Variants in ACOT11 observed in about 807,000 individuals in gnomAD.
The protein encoded by ACOT11 is acyl-CoA thioesterase 11.
ACOT11 carries 69 observed loss-of-function variants against 77.5 expected under a neutral mutation model. The observed-to-expected ratio is 0.89, with a 90% CI of 0.73 to 1.09. The LOEUF is 1.09. ACOT11 is among the 50% of genes least tolerant of loss of function. The pLI is 0.00. For missense variants in ACOT11, 766 were observed against 813.7 expected (o/e 0.94, Z 0.71); for synonymous variants, 279 against 313.0 (o/e 0.89, Z 1.15).
At position 54,592,761 on chromosome 1, in the gene ACOT11, C is replaced by T. The variant is rs79649168; in HGVS notation, c.372+155C>T. On this transcript the variant is annotated intron_variant, in intron 4 of 15. Transcript: ENST00000343744. ...AATGGTTGGCAGAGCAAGGGGAATC[C>T]CAAGGATCTTCCTGTCCCAAATCCC... Among the ~76,000 whole-genome samples, 805 of 152,248 alleles carry T rather than the reference C, an allele frequency of 5.3e-3. 1 individual carries two copies. Among genetic ancestry groups the T allele is most frequent in the African/African-American group, 0.019 (771 of 41,518 alleles).
intron 15 of ACOT11, chr1:54,619,975 C>G (rs17399297): frequency 1.2e-6 from 2 of 1,614,114 alleles, no homozygotes; most frequent in Admixed American, 1.7e-5. Flanking sequence ...TCCAGCATGT[C>G]GGCATCAGGG....
chr1:54,584,501 G>A lies in ACOT11; in HGVS notation c.34-154G>A, dbSNP rs570797874. 1.3e-5 allele frequency among the ~76,000 whole-genome samples: 2 copies of A among 152,252 alleles called. No homozygotes were observed. The highest frequency in any genetic ancestry group is 4.1e-4 in the South Asian group (2 of 4,828). ...TCCTGGGGTCCGAGACCACGGGCTG[G>A]AGGGTGGTGACCACTCTCGGGTTGG... is the stretch of plus-strand genomic sequence containing the variant. On this transcript the variant is annotated intron_variant, in intron 1 of 15. Transcript: ENST00000343744. The surrounding 1 kb of genome is among the most constrained non-coding windows in gnomAD (Gnocchi z 6.3).
intron 9 of ACOT11, among the ~76,000 whole-genome samples, chr1:54,601,982 C>G (rs972316884): frequency 1.1e-4 from 17 of 152,256 alleles, no homozygotes; most frequent in African/African-American, 4.1e-4. Flanking sequence ...CTTGGAGAGG[C>G]CGCTCCCTCC....
chr1:54,597,517 A>G lies in ACOT11; in HGVS notation c.764+102A>G, dbSNP rs924644644. Reference sequence around the variant, plus strand: ...AAACCCCAGCTTGGGGTTGGCATTCAAGGCTTCAGAAGCTTGGCTGTTCTG... The same window carrying G: ...AAACCCCAGCTTGGGGTTGGCATTCGAGGCTTCAGAAGCTTGGCTGTTCTG... On this transcript the variant is annotated intron_variant, in intron 7 of 15. Coordinates refer to ENST00000343744, the MANE Select transcript of ACOT11 (RefSeq NM_147161.4). 1.8e-5 allele frequency: 25 copies of G among 1,375,238 alleles called. No individual in the cohort carries two copies. In the Admixed American group the frequency reaches 6.4e-4, roughly 35 times the overall value. The allele number at this position is 1,375,238 out of a possible 1,614,324, so 85.2% of individuals were successfully genotyped here.
downstream of ACOT11, among the ~76,000 whole-genome samples, chr1:54,613,036 T>C (rs1472108924): frequency 6.6e-6 from 1 of 151,954 alleles, no homozygotes; most frequent in Non-Finnish European, 1.5e-5. Flanking sequence ...CGTGTGGGAA[T>C]CTGAGCTCTG....
chr1:54,562,316 G>T (rs1412478917), intron 1 of ACOT11, among the ~76,000 whole-genome samples: 18 of 100,722 alleles, frequency 1.8e-4, no homozygotes, highest in Admixed American at 6.7e-4. Flanking sequence ...GGGTGGGGGG[G>T]CTGACCCCCC....
intron 1 of ACOT11, among the ~76,000 whole-genome samples, chr1:54,574,528 G>T (rs1207270981): frequency 6.6e-6 from 1 of 152,212 alleles, no homozygotes; most frequent in South Asian, 2.1e-4. Context: ...CTGTTCATGT[G>T]TTCCCTCCTT....
chr1:54,632,572 T>C (rs918609330), intron 16 of ACOT11, among the ~76,000 whole-genome samples: 2 of 152,202 alleles, frequency 1.3e-5, no homozygotes, highest in African/African-American at 4.8e-5. Flanking sequence ...CAGCTCCTGG[T>C]TGTGCCGTAT....
chr1:54,584,752 C>T lies in ACOT11; in HGVS notation c.131C>T (p.Pro44Leu). ...AMADGEGYRN[P>L]TEVQMSQLVL... ...GCAGACGGCGAGGGATACCGGAACCCCACGGAGGTGCAGATGAGCCAGCTG... is the reference window on the plus strand; with the variant it reads ...GCAGACGGCGAGGGATACCGGAACCTCACGGAGGTGCAGATGAGCCAGCTG... The change falls in exon 2 of 16, where the codon CCC (proline) becomes CTC (leucine). Residue 44 changes from proline (P) to leucine (L), a missense_variant. Transcript: ENST00000343744. The surrounding 1 kb of genome is among the most constrained non-coding windows in gnomAD (Gnocchi z 6.3). 3 of 1,614,128 alleles carry T rather than the reference C, an allele frequency of 1.9e-6. No individual in the cohort carries two copies. The highest frequency in any genetic ancestry group is 2.5e-6 in the Non-Finnish European group (3 of 1,180,042).
intron 15 of ACOT11, among the ~76,000 whole-genome samples, chr1:54,625,335 T>G (rs929682632): frequency 6.6e-6 from 1 of 152,140 alleles, no homozygotes; most frequent in Non-Finnish European, 1.5e-5. Context: ...GGGTCAGTGC[T>G]CTGGGGTCTG....
intron 15 of ACOT11, chr1:54,620,126 G>C (rs1342233307): frequency 9.3e-7 from 1 of 1,080,666 alleles, no homozygotes; most frequent in Non-Finnish European, 1.3e-6. Flanking sequence ...TCTGGCAGAG[G>C]GACGGTGAGG....
chr1:54,618,008 T>A (rs1012914998), intron 15 of ACOT11, among the ~76,000 whole-genome samples: 2 of 152,140 alleles, frequency 1.3e-5, no homozygotes, highest in Non-Finnish European at 2.9e-5. Flanking sequence ...ATTACAGGCA[T>A]GAGCCACCAG....
Position 54,585,899 on chromosome 1 carries a change from C to A in ACOT11, c.306C>A (p.Thr102=), listed in dbSNP as rs372525029. 6.2e-7 allele frequency: 1 copy of A among 1,613,922 alleles called. No homozygotes were observed. The highest frequency in any genetic ancestry group is 1.3e-5 in the African/African-American group (1 of 74,902). Residue 102 remains threonine, a synonymous_variant, in exon 3 of 16, where the codon ACC becomes ACA. Transcript: ENST00000343744. The part of the protein sequence containing the change: ...ASMDDIYFEH[T]ISVGQVVNIK... ...TGGATGACATCTATTTTGAGCACACCATTAGGTAAGTGGCCCCTCCTGCCT... is the reference window on the plus strand; with the variant it reads ...TGGATGACATCTATTTTGAGCACACAATTAGGTAAGTGGCCCCTCCTGCCT...
At chr1:54,592,523 A>C in intron 3 of ACOT11, 23 bp from the exon 4 acceptor site, 1 of 1,607,118 alleles carries the variant, frequency 6.2e-7, no homozygotes, top group Non-Finnish European at 8.5e-7. Flanking sequence ...TGGAAGGCTC[A>C]CCTCCTACTT....
chr1:54,551,442 G>A (rs192793262), intron 1 of ACOT11, among the ~76,000 whole-genome samples: 78 of 152,352 alleles, frequency 5.1e-4, no homozygotes, highest in Non-Finnish European at 8.8e-4. Flanking sequence ...GGTGGTGCGG[G>A]AAAGGTCTCC....
chr1:54,594,176 G>A (rs2100990447), intron 5 of ACOT11, 137 bp downstream of exon 5: 2 of 729,228 alleles, frequency 2.7e-6, no homozygotes, highest in South Asian at 3.7e-5. Context: ...ACAGCTCCCT[G>A]AGGAAGGCCC....
Position 54,609,548 on chromosome 1 carries a change from A to G in ACOT11, c.*436A>G. On this transcript the variant is annotated 3_prime_UTR_variant, in exon 16 of 16. Transcript: ENST00000343744. ...GCACAACTCTAGCATATCTGTGAGC[A>G]GCTGTTCCCTGTAGCCACTGCCCAG... The G allele has an allele frequency of 6.2e-7, 1 of 1,612,758 alleles. No individual in the cohort carries two copies. Among genetic ancestry groups the G allele is most frequent in the East Asian group, 2.2e-5 (1 of 44,890 alleles).
intron 1 of ACOT11, among the ~76,000 whole-genome samples, chr1:54,565,695 C>A (rs780138747): frequency 3.3e-5 from 5 of 152,180 alleles, no homozygotes; most frequent in African/African-American, 4.8e-5. Flanking sequence ...GAAAAGGGAT[C>A]TTTGAGCTTC....
chr1:54,575,113 T>TAATCA (rs1654062349), intron 1 of ACOT11, among the ~76,000 whole-genome samples: 1 of 151,900 alleles, frequency 6.6e-6, no homozygotes, highest in African/African-American at 2.4e-5. Flanking sequence ...AGCAAGCAGG[T>TAATCA]GTCTTCAAAG....
Sources: gnomAD v4.1 joint callset for allele counts (sites outside exome capture counted in the v4.1 genomes callset) on GRCh38, gnomAD v4.1.1 for gene constraint, Gnocchi (gnomAD v3.1) non-coding constraint, MANE v1.5 for transcripts, NCBI Gene and HGNC (gene_info 2026-07-23, HGNC 2026-07-21) for gene names.